C13orf42: variants seen among roughly 807,000 people sequenced by gnomAD.
The protein encoded by C13orf42 is uncharacterized protein C13orf42.
chr13:51,156,095 C>T (rs1953822382), intron 1 of C13orf42, among the ~76,000 whole-genome samples: 1 of 152,126 alleles, frequency 6.6e-6, no homozygotes, highest in Admixed American at 6.5e-5. Context: ...GGGACCTTGA[C>T]CCCACCCCCG....
intron 1 of C13orf42, among the ~76,000 whole-genome samples, chr13:51,170,469 G>A (rs977029736): frequency 1.3e-5 from 2 of 152,030 alleles, no homozygotes; most frequent in Admixed American, 6.5e-5. Flanking sequence ...TCCGGTAAGT[G>A]GCCTCTTTTT....
At chr13:51,151,304 A>G (rs1356245272) in intron 1 of C13orf42, among the ~76,000 whole-genome samples, 1 of 152,072 alleles carries the variant, frequency 6.6e-6, no homozygotes, top group Non-Finnish European at 1.5e-5. Flanking sequence ...TCAGCACACC[A>G]TTGCTGACTT....
At chr13:51,126,068 T>C (rs546262900) in intron 1 of C13orf42, among the ~76,000 whole-genome samples, 1 of 152,278 alleles carries the variant, frequency 6.6e-6, no homozygotes, top group Admixed American at 6.5e-5. Context: ...GTATGCAAAT[T>C]TCATGTGCCT....
intron 1 of C13orf42, among the ~76,000 whole-genome samples, chr13:51,142,360 C>A (rs775001147): frequency 1.3e-5 from 2 of 151,956 alleles, no homozygotes; most frequent in African/African-American, 4.8e-5. Context: ...CTTTTTTTTA[C>A]TGTCTTAGTT....
chr13:51,147,235 C>T (rs1337497230), intron 1 of C13orf42, among the ~76,000 whole-genome samples: 4 of 152,308 alleles, frequency 2.6e-5, no homozygotes, highest in South Asian at 2.1e-4. Context: ...GGTGGGGACC[C>T]CCTTTCTTAT....
chr13:51,163,878 A>T (rs1030914724), intron 1 of C13orf42, among the ~76,000 whole-genome samples: 2 of 152,122 alleles, frequency 1.3e-5, no homozygotes, highest in African/African-American at 4.8e-5. Context: ...CTAAAATGAA[A>T]CACCGCAAGT....
At chr13:51,146,740 A>T (rs1480771710) in intron 1 of C13orf42, among the ~76,000 whole-genome samples, 1 of 152,248 alleles carries the variant, frequency 6.6e-6, no homozygotes. Flanking sequence ...TCAAATACAC[A>T]TTTATCTCAG....
rs1054846246 is a variant in C13orf42, at chr13:51,171,787, T to G, written n.136+466A>C. 1.3e-4 allele frequency among the ~76,000 whole-genome samples: 20 copies of G among 152,210 alleles called. No individual in the cohort carries two copies. In the South Asian group the frequency reaches 1.5e-3, roughly 11 times the overall value. On this transcript the variant is annotated intron_variant and non_coding_transcript_variant, in intron 1 of 4. Transcript: ENST00000433280. ...CAGATAGCGTTTAGGCTCTTTTTCA[T>G]CAAATATAAAAATCCAGCCCAGTTC...
At chr13:51,156,334 T>C (rs1953824143) in intron 1 of C13orf42, among the ~76,000 whole-genome samples, 1 of 152,248 alleles carries the variant, frequency 6.6e-6, no homozygotes, top group Non-Finnish European at 1.5e-5. Flanking sequence ...TAGCTCTTAC[T>C]ATGTGCCAAG....
At chr13:51,171,201 C>T (rs1430044770) in intron 1 of C13orf42, among the ~76,000 whole-genome samples, 1 of 152,130 alleles carries the variant, frequency 6.6e-6, no homozygotes, top group Non-Finnish European at 1.5e-5. Flanking sequence ...TCAACTCACA[C>T]CTGACCTAAA....
At chr13:51,084,452 G>T in intron 3 of C13orf42, 127 bp from the exon 4 acceptor site, 1 of 396,518 alleles carries the variant, frequency 2.5e-6, no homozygotes, top group Non-Finnish European at 4.4e-6. Context: ...GGGTCTTGGG[G>T]AGGACCAAAT....
At chr13:51,152,303 G>T (rs1398063096) in intron 1 of C13orf42, among the ~76,000 whole-genome samples, 1 of 152,136 alleles carries the variant, frequency 6.6e-6, no homozygotes, top group Non-Finnish European at 1.5e-5. Flanking sequence ...CATTTAGCAG[G>T]CTTTATTTTA....
At chr13:51,169,613 G>C (rs574671628) in intron 1 of C13orf42, among the ~76,000 whole-genome samples, 78 of 152,354 alleles carry the variant, frequency 5.1e-4, no homozygotes, top group African/African-American at 1.8e-3. Context: ...CCAGGACCAA[G>C]GTCCGGCCAC....
intron 1 of C13orf42, among the ~76,000 whole-genome samples, chr13:51,093,271 C>T (rs1649328805): frequency 6.6e-6 from 1 of 152,122 alleles, no homozygotes; most frequent in Non-Finnish European, 1.5e-5. Context: ...TGACTGACTC[C>T]TTCTTCTGGG....
At chr13:51,158,207 G>A (rs1953838741) in intron 1 of C13orf42, among the ~76,000 whole-genome samples, 1 of 152,134 alleles carries the variant, frequency 6.6e-6, no homozygotes, top group African/African-American at 2.4e-5. Context: ...AACCATCTTT[G>A]TCAGATTCCA....
chr13:51,110,014 G>A (rs1953409122), intron 1 of C13orf42, among the ~76,000 whole-genome samples: 1 of 152,108 alleles, frequency 6.6e-6, no homozygotes. Context: ...TCATGCTTGT[G>A]ACTGTCTGGA....
intron 1 of C13orf42, among the ~76,000 whole-genome samples, chr13:51,156,156 C>T (rs1953822883): frequency 6.6e-6 from 1 of 152,114 alleles, no homozygotes; most frequent in African/African-American, 2.4e-5. Context: ...GTCCCATGGG[C>T]CTGCCACGTG....
Position 51,130,864 on chromosome 13 carries a change from T to A in C13orf42, n.137-17642A>T, listed in dbSNP as rs199672950. On this transcript the variant is annotated intron_variant and non_coding_transcript_variant, in intron 1 of 4. Transcript: ENST00000433280. The stretch of plus-strand genomic sequence containing the variant: ...AAATGTGTTTTTGGTAAAAAAAAAA[T>A]ATATATATATATATATAAACAGTCA... 7.7e-3 allele frequency among the ~76,000 whole-genome samples: 1,069 copies of A among 139,486 alleles called. 10 individuals are homozygous for A. Among genetic ancestry groups the A allele is most frequent in the African/African-American group, 0.018 (646 of 36,370 alleles). The allele number at this position is 139,486 out of a possible 152,430, so 91.5% of individuals were successfully genotyped here. A position where few individuals can be genotyped will look rare whatever the true frequency, so the allele number is the denominator to read the frequency against.
chr13:51,105,175 A>G (rs1953339075), intron 1 of C13orf42, among the ~76,000 whole-genome samples: 1 of 152,256 alleles, frequency 6.6e-6, no homozygotes, highest in African/African-American at 2.4e-5. Flanking sequence ...CCCTGGGCTC[A>G]GAAGGGGCTG....
Sources: allele counts gnomAD v4.1 joint callset (sites outside exome capture counted in the v4.1 genomes callset), GRCh38; gene constraint gnomAD v4.1.1; transcripts MANE v1.5; gene names NCBI Gene and HGNC (gene_info 2026-07-23, HGNC 2026-07-21).